CPXM1: variants seen among roughly 807,000 people sequenced by gnomAD.
The protein encoded by CPXM1 is probable carboxypeptidase X1.
A neutral mutation model predicts 80.4 loss-of-function variants in CPXM1; 72 were observed. The observed-to-expected ratio is 0.90, with a 90% CI of 0.74 to 1.09. The LOEUF (loss-of-function observed/expected upper bound fraction) is 1.09, where lower values mean the gene tolerates loss of function less well. Ranked by LOEUF, CPXM1 falls within the 50% of genes least tolerant of loss-of-function variation. The pLI is 0.00. For synonymous variants in CPXM1, 403 were observed against 405.6 expected (o/e 0.99, Z 0.08); for missense variants, 892 against 999.4 (o/e 0.89, Z 1.45).
chr20:2,797,206 G>A lies in CPXM1; in HGVS notation c.818C>T (p.Ala273Val), dbSNP rs763493556. 2 of 1,588,372 alleles carry A rather than the reference G, an allele frequency of 1.3e-6. No homozygotes were observed. Among genetic ancestry groups the A allele is most frequent in the East Asian group, 2.3e-5 (1 of 44,170 alleles). Residue 273 changes from alanine (A) to valine (V), a missense_variant, in exon 6 of 14, where the codon GCC becomes GTC. Ala to Val is a moderately conservative substitution (Grantham distance 64, BLOSUM62 0). This residue lies in a region of CPXM1 where 874 missense variants were observed against 958.4 expected (regional missense o/e 0.91). Transcript: ENST00000380605. The part of the protein sequence containing the change: ...GAPCLRAEIL[A>V]CPVSDPNDLF... ...TGACTGCCCACCTGAGACTGGGCAG[G>A]CCAGGATCTCTGCCCGGAGGCAAGG... is the stretch of plus-strand genomic sequence containing the variant.
intron 6 of CPXM1, 21 bp from the exon 7 acceptor site, chr20:2,797,115 G>A: frequency 6.2e-7 from 1 of 1,613,936 alleles, no homozygotes; most frequent in Non-Finnish European, 8.5e-7. Context: ...TTGAGTTTAT[G>A]GTAAAGGGTG....
Position 2,794,803 on chromosome 20 carries a change from T to C in CPXM1, c.1861-164A>G, listed in dbSNP as rs115130615. Among the ~76,000 whole-genome samples the C allele has an allele frequency of 1.0e-3, 153 of 152,214 alleles. No individual in the cohort carries two copies. The highest frequency in any genetic ancestry group is 3.6e-3 in the African/African-American group (151 of 41,524). On this transcript the variant is annotated intron_variant, in intron 12 of 13. Coordinates refer to ENST00000380605, the MANE Select transcript of CPXM1 (RefSeq NM_019609.5). The surrounding 1 kb of genome is among the most constrained non-coding windows in gnomAD (Gnocchi z 5.2). ...AGAAAAAAAAAAAAGAAATCCTGAT[T>C]GACAAATCACATCTGGACTAAGAAA...
chr20:2,794,138 C>A lies in CPXM1; in HGVS notation c.*52G>T. On this transcript the variant is annotated 3_prime_UTR_variant, in exon 14 of 14. Coordinates refer to ENST00000380605, the MANE Select transcript of CPXM1 (RefSeq NM_019609.5). This position sits in a 1 kb window ranked among gnomAD's most constrained non-coding sequence, Gnocchi z 5.2. ...TTTGTCCCTCCCTCTCTACTCTTCC[C>A]CTTCCCGTCTTGACAGGTCCAGCCT... 2 of 1,547,618 alleles carry A rather than the reference C, an allele frequency of 1.3e-6. No individual in the cohort carries two copies. The highest frequency in any genetic ancestry group is 1.3e-5 in the South Asian group (1 of 79,994).
At chr20:2,799,284 A>G (rs1362049849) in intron 1 of CPXM1, among the ~76,000 whole-genome samples, 1 of 151,806 alleles carries the variant, frequency 6.6e-6, no homozygotes, top group Non-Finnish European at 1.5e-5. Context: ...CCTAATTCCC[A>G]TTCTTCCTTT....
chr20:2,795,643 T>C lies in CPXM1; in HGVS notation c.1676A>G (p.His559Arg). 6.2e-7 allele frequency: 1 copy of C among 1,614,110 alleles called. No homozygotes were observed. The highest frequency in any genetic ancestry group is 2.2e-5 in the East Asian group (1 of 44,876). ...GTCAGCCCCGTTGATGATGTTGCCG[T>C]GCACGGAGAAGTCCTGGCTGTGGCA... ...RPCHSQDFSV[H>R]GNIINGADWH... is the part of the protein sequence containing the mutation. The change falls in exon 11 of 14, where the codon CAC (histidine) becomes CGC (arginine). Residue 559 changes from histidine (H) to arginine (R), a missense_variant. Around this residue, in one of 2 missense-constraint regions of CPXM1, gnomAD observed 874 missense variants for 958.4 expected, o/e 0.91. Transcript: ENST00000380605. The surrounding 1 kb of genome is among the most constrained non-coding windows in gnomAD (Gnocchi z 5.4).
In CPXM1 at chr20:2,797,284, T is replaced by C. The variant is rs1162301255; in HGVS notation, c.740A>G (p.Gln247Arg). The part of the protein sequence containing the change: ...TPVLNLLPEP[Q>R]VARFIRLLPQ... Reference sequence around the variant, plus strand: ...CAGCAGGCGAATGAAGCGGGCCACCTGGGGCTCCGGCAGGAGGTTCAGCAC... The same window carrying C: ...CAGCAGGCGAATGAAGCGGGCCACCCGGGGCTCCGGCAGGAGGTTCAGCAC... The change falls in exon 6 of 14, where the codon CAG (glutamine) becomes CGG (arginine). Residue 247 changes from glutamine (Q) to arginine (R), a missense_variant. By Grantham distance (43) the Gln-to-Arg change is conservative (BLOSUM62 1). Transcript: ENST00000380605. The C allele has an allele frequency of 6.4e-7, 1 of 1,566,806 alleles. No individual in the cohort carries two copies. The highest frequency in any genetic ancestry group is 8.7e-7 in the Non-Finnish European group (1 of 1,155,226).
In CPXM1 at chr20:2,800,537, C is replaced by G; in HGVS notation, c.36G>C (p.Ala12=). The change falls in exon 1 of 14, where the codon GCG becomes GCC. Residue 12 remains alanine (A), a synonymous_variant. Transcript: ENST00000380605. ...WGLLLALAAF[A]PAVGPALGAP... ...CCCCCAGAGCCGGGCCGACGGCCGG[C>G]GCGAAGGCGGCCAGGGCGAGCAGGA... is the stretch of plus-strand genomic sequence containing the variant. The G allele has an allele frequency of 7.4e-7, 1 of 1,354,576 alleles. No individual in the cohort carries two copies. 83.9% of individuals were successfully genotyped at this position (1,354,576 alleles called of 1,614,324 possible). A position where few individuals can be genotyped will look rare whatever the true frequency, so the allele number is the denominator to read the frequency against.
Position 2,794,592 on chromosome 20 carries a change from A to C in CPXM1, c.1908T>G (p.Leu636=). 3 of 1,613,570 alleles carry C rather than the reference A, an allele frequency of 1.9e-6. No homozygotes were observed. Among genetic ancestry groups the C allele is most frequent in the Middle Eastern group, 1.6e-4 (1 of 6,062 alleles). The stretch of plus-strand genomic sequence containing the variant: ...CGGCAATGACAGCGTCAGCAATCCC[A>C]AGCTCCGTGTCCTTGTCCCTCACCA... The part of the protein sequence containing the change: ...AGVVRDKDTE[L]GIADAVIAVD... Residue 636 remains leucine (L), a synonymous_variant, in exon 13 of 14, where the codon CTT becomes CTG. Transcript: ENST00000380605. This position sits in a 1 kb window ranked among gnomAD's most constrained non-coding sequence, Gnocchi z 5.2.
In CPXM1 at chr20:2,795,905, G is replaced by T. The variant is rs367560871; in HGVS notation, c.1423-9C>A. The T allele has an allele frequency of 6.7e-5, 107 of 1,608,084 alleles. No homozygotes were observed. Among genetic ancestry groups the T allele is most frequent in the Non-Finnish European group, 8.9e-5 (105 of 1,175,820 alleles). On this transcript the variant is annotated splice_polypyrimidine_tract_variant and intron_variant, in intron 10 of 13. Transcript: ENST00000380605. The surrounding 1 kb of genome is among the most constrained non-coding windows in gnomAD (Gnocchi z 5.4). Reference sequence around the variant, plus strand: ...CGCGTTTCAGGAGCCACCTGGATGGGGCAGGTCAGGAGGGGCAGGAGACAG... The same window carrying T: ...CGCGTTTCAGGAGCCACCTGGATGGTGCAGGTCAGGAGGGGCAGGAGACAG...
Position 2,795,718 on chromosome 20 carries a change from G to C in CPXM1, c.1601C>G (p.Thr534Ser). Reference sequence around the variant, plus strand: ...GGCCAGATTACTGCCAGCATAGACAGTGCTGAGCCAGCGAAACACAGCATC... The same window carrying C: ...GGCCAGATTACTGCCAGCATAGACACTGCTGAGCCAGCGAAACACAGCATC... ...PDDAVFRWLSTVYAGSNLAMQ... is the reference protein window; with the variant it reads ...PDDAVFRWLSSVYAGSNLAMQ... Residue 534 changes from threonine to serine, a missense_variant, in exon 11 of 14, where the codon ACT becomes AGT. Thr to Ser is a moderately conservative substitution (Grantham distance 58, BLOSUM62 1). Around this residue, in one of 2 missense-constraint regions of CPXM1, gnomAD observed 874 missense variants for 958.4 expected, o/e 0.91. Coordinates refer to ENST00000380605, the MANE Select transcript of CPXM1 (RefSeq NM_019609.5). The surrounding 1 kb of genome is among the most constrained non-coding windows in gnomAD (Gnocchi z 5.4). 6.2e-7 allele frequency: 1 copy of C among 1,613,994 alleles called. No individual in the cohort carries two copies. Among genetic ancestry groups the C allele is most frequent in the Non-Finnish European group, 8.5e-7 (1 of 1,180,046 alleles).
chr20:2,796,137 C>T lies in CPXM1; in HGVS notation c.1267G>A (p.Glu423Lys), dbSNP rs769164265. ...ATGCTCTGGTTGTTCCAGCGGCCCT[C>T]GGCCCAGCCCACCAGCTCTGAACCC... ...HRGSELVGWA[E>K]GRWNNQSIDL... The change falls in exon 10 of 14, where the codon GAG becomes AAG. Residue 423 changes from glutamate (E) to lysine (K), a missense_variant. Glu to Lys is a moderately conservative substitution (Grantham distance 56). This residue lies in a region of CPXM1 where 874 missense variants were observed against 958.4 expected (regional missense o/e 0.91). Transcript: ENST00000380605. The surrounding 1 kb of genome is among the most constrained non-coding windows in gnomAD (Gnocchi z 6.8). 4.3e-6 allele frequency: 7 copies of T among 1,611,742 alleles called. No individual in the cohort carries two copies. Among genetic ancestry groups the T allele is most frequent in the South Asian group, 1.1e-5 (1 of 90,610 alleles).
chr20:2,798,653 T>C (rs1214718128), intron 2 of CPXM1, 73 bp downstream of exon 2: 2 of 1,560,376 alleles, frequency 1.3e-6, no homozygotes, highest in Non-Finnish European at 1.7e-6. Flanking sequence ...CCGGTGCCCA[T>C]GAGGCCAAGA....
rs769992463 is a variant in CPXM1, at chr20:2,795,677, GGCT to G, written c.1639_1641del (p.Ser547del). ...AAGTCCTGGCTGTGGCAGGGTCGGC[GGCT>G]GGTGTCCTGCATGGCCAGATTACTG... On this transcript the variant is annotated inframe_deletion, in exon 11 of 14. Transcript: ENST00000380605. The surrounding 1 kb of genome is among the most constrained non-coding windows in gnomAD (Gnocchi z 5.4). The G allele has an allele frequency of 6.2e-7, 1 of 1,614,022 alleles. No homozygotes were observed. The highest frequency in any genetic ancestry group is 8.5e-7 in the Non-Finnish European group (1 of 1,180,028).
In CPXM1 at chr20:2,796,682, ATGGG is replaced by A. The variant is rs2088513210; in HGVS notation, c.922-36_922-33del. On this transcript the variant is annotated intron_variant, in intron 7 of 13. Transcript: ENST00000380605. This position sits in a 1 kb window ranked among gnomAD's most constrained non-coding sequence, Gnocchi z 6.8. ...GGCAGAGTGTAGCGTGGCATGAGGC[ATGGG>A]AGGGGTACACCCAGGGGCAGATCAC... 1 of 1,612,062 alleles carries A rather than the reference ATGGG, an allele frequency of 6.2e-7. No homozygotes were observed. The highest frequency in any genetic ancestry group is 1.3e-5 in the African/African-American group (1 of 74,874).
In CPXM1 at chr20:2,798,434, G is replaced by T. The variant is rs1442106654; in HGVS notation, c.444C>A (p.Asn148Lys). Residue 148 changes from asparagine to lysine, a missense_variant, in exon 3 of 14, where the codon AAC becomes AAA. Transcript: ENST00000380605. ...FGLGPHRGRL[N>K]IQSGLEDGDL... ...CCGAGCCAGGATTACTGACCTGAAT[G>T]TTGAGCCGTCCTCGGTGTGGTCCAA... The T allele has an allele frequency of 6.2e-7, 1 of 1,613,350 alleles. No homozygotes were observed. The highest frequency in any genetic ancestry group is 1.1e-5 in the South Asian group (1 of 90,988).
chr20:2,797,894 A>G (rs2088526527), intron 5 of CPXM1, 74 bp downstream of exon 5: 3 of 1,353,020 alleles, frequency 2.2e-6, no homozygotes, highest in South Asian at 2.4e-5. Context: ...TTGTCCTCAG[A>G]GGAGCCTCAG....
chr20:2,798,772 G>A lies in CPXM1; in HGVS notation c.294C>T (p.Thr98=), dbSNP rs762534448. The change falls in exon 2 of 14, where the codon ACC becomes ACT. Residue 98 remains threonine (T), a synonymous_variant. Coordinates refer to ENST00000380605, the MANE Select transcript of CPXM1 (RefSeq NM_019609.5). ...GGTCGAGGGTCCCTGCTGGAGTGGGGGTCACAAGGGGCCCGGCAGTCACCA... is the reference window on the plus strand; with the variant it reads ...GGTCGAGGGTCCCTGCTGGAGTGGGAGTCACAAGGGGCCCGGCAGTCACCA... ...TPLVTAGPLV[T]PTPAGTLDPA... 3.1e-6 allele frequency: 5 copies of A among 1,613,854 alleles called. No homozygotes were observed. The highest frequency in any genetic ancestry group is 1.1e-5 in the South Asian group (1 of 91,046).
Position 2,796,552 on chromosome 20 carries a change from C to T in CPXM1, c.1020G>A (p.Ser340=), listed in dbSNP as rs747898613. 11 of 1,614,036 alleles carry T rather than the reference C, an allele frequency of 6.8e-6. No homozygotes were observed. Among genetic ancestry groups the T allele is most frequent in the Non-Finnish European group, 9.3e-6 (11 of 1,180,018 alleles). ...CCAGCTCATGCTCCCCAGGCTTGTC[C>T]GACATTTCCATCACATACAGCTTCA... ...QGLKLYVMEM[S]DKPGEHELGE... The change falls in exon 8 of 14, where the codon TCG becomes TCA. Residue 340 remains serine, a synonymous_variant. Coordinates refer to ENST00000380605, the MANE Select transcript of CPXM1 (RefSeq NM_019609.5). The surrounding 1 kb of genome is among the most constrained non-coding windows in gnomAD (Gnocchi z 6.8).
At chr20:2,799,119 C>A (rs2088541744) in intron 1 of CPXM1, among the ~76,000 whole-genome samples, 1 of 152,124 alleles carries the variant, frequency 6.6e-6, no homozygotes, top group African/African-American at 2.4e-5. Context: ...GCTTGGCCAG[C>A]CTCCCCTGTG....
Sources: allele counts gnomAD v4.1 joint callset (sites outside exome capture counted in the v4.1 genomes callset), GRCh38; gene constraint gnomAD v4.1.1; regional missense constraint gnomAD v4.1.1; non-coding constraint Gnocchi (gnomAD v3.1); transcripts MANE v1.5; gene names NCBI Gene and HGNC (gene_info 2026-07-23, HGNC 2026-07-21).